GCLC: variants seen among roughly 807,000 people sequenced by gnomAD.
The protein encoded by GCLC is glutamate--cysteine ligase catalytic subunit.
Under a neutral mutation model 81.5 loss-of-function variants are expected in GCLC, and 30 were observed. That is an observed-to-expected ratio of 0.37 (90% confidence interval 0.28 to 0.50). GCLC has a LOEUF of 0.50. Among genes scored for constraint, GCLC ranks in the 20% least tolerant of loss-of-function variants. The pLI, the probability that GCLC is intolerant of heterozygous loss-of-function variation, is 0.96. For synonymous variants in GCLC, 262 were observed against 273.3 expected, an observed-to-expected ratio of 0.96 and a Z score of 0.41; for missense variants, 556 against 777.4, an observed-to-expected ratio of 0.72 and a Z score of 3.39.
rs750874052 is a variant in GCLC, at chr6:53,498,723, C to G, written c.*33G>C. 2 of 1,324,202 alleles carry G rather than the reference C, an allele frequency of 1.5e-6. No homozygotes were observed. The highest frequency in any genetic ancestry group is 2.2e-6 in the Non-Finnish European group (2 of 917,124). The allele number at this position is 1,324,202 out of a possible 1,614,324, so 82.0% of individuals were successfully genotyped here. On this transcript the variant is annotated 3_prime_UTR_variant, in exon 16 of 16. Transcript: ENST00000650454. ...GAGAGGCATGGTACTGTAGCCAGTT[C>G]GTCAATAATGCATTTTTCTTTCTGT...
intron 2 of GCLC, 38 bp downstream of exon 2, chr6:53,522,377 C>A (rs983195531): frequency 9.7e-6 from 11 of 1,136,364 alleles, no homozygotes; most frequent in Admixed American, 1.7e-5. Context: ...GAAGTTTTAG[C>A]AGTTTCAGAA....
chr6:53,538,663 T>C (rs997723576), intron 1 of GCLC, among the ~76,000 whole-genome samples: 3 of 152,178 alleles, frequency 2.0e-5, no homozygotes, highest in African/African-American at 7.2e-5. Context: ...TCAAACTCAA[T>C]GGATGATATA....
chr6:53,523,114 C>G (rs1763026258), intron 1 of GCLC: 1 of 154,352 alleles, frequency 6.5e-6, no homozygotes, highest in African/African-American at 2.4e-5. Context: ...TTTAAGGCAA[C>G]TTCTCCACTC....
chr6:53,537,747 A>AC (rs1324532459), intron 1 of GCLC, among the ~76,000 whole-genome samples: 1 of 151,936 alleles, frequency 6.6e-6, no homozygotes, highest in African/African-American at 2.4e-5. Flanking sequence ...GTAAAAAAAA[A>AC]CCAAAAAACC....
chr6:53,522,777 C>T (rs991440093), intron 1 of GCLC: 7 of 332,876 alleles, frequency 2.1e-5, no homozygotes, highest in Non-Finnish European at 3.4e-5. Flanking sequence ...ATGGAAAGGT[C>T]GATACCCATT....
At chr6:53,533,691 A>C (rs1328091450) in intron 1 of GCLC, among the ~76,000 whole-genome samples, 13 of 152,134 alleles carry the variant, frequency 8.5e-5, no homozygotes, top group African/African-American at 2.4e-5. Context: ...AAAAGAATCT[A>C]TATATATAAA....
intron 1 of GCLC, among the ~76,000 whole-genome samples, chr6:53,525,204 G>A (rs1763059463): frequency 6.6e-6 from 1 of 152,144 alleles, no homozygotes; most frequent in African/African-American, 2.4e-5. Context: ...TGAACTTTCT[G>A]CACTAGTCCT....
intron 1 of GCLC, among the ~76,000 whole-genome samples, chr6:53,542,133 G>A (rs546771338): frequency 1.4e-4 from 21 of 152,094 alleles, no homozygotes; most frequent in African/African-American, 1.4e-4. Context: ...TTGGGATTAC[G>A]GGCCACCACG....
At chr6:53,536,159 G>C (rs1261131624) in intron 1 of GCLC, among the ~76,000 whole-genome samples, 1 of 152,152 alleles carries the variant, frequency 6.6e-6, no homozygotes, top group Non-Finnish European at 1.5e-5. Context: ...TATTTATGTA[G>C]ACTCTAAGAA....
intron 6 of GCLC, among the ~76,000 whole-genome samples, chr6:53,511,005 G>A (rs1764728109): frequency 6.6e-6 from 1 of 152,280 alleles, no homozygotes; most frequent in South Asian, 2.1e-4. Context: ...CTTGGAAATC[G>A]CTTTGCATAT....
At position 53,506,676 on chromosome 6, in the gene GCLC, A is replaced by G. The variant is rs902420309; in HGVS notation, c.1197+237T>C. 4.1e-6 allele frequency: 2 copies of G among 484,050 alleles called. No individual in the cohort carries two copies. The highest frequency in any genetic ancestry group is 7.4e-6 in the Non-Finnish European group (2 of 270,266). The allele number at this position is 484,050 out of a possible 1,614,324, so 30.0% of individuals were successfully genotyped here. A position where few individuals can be genotyped will look rare whatever the true frequency, so the allele number is the denominator to read the frequency against. ...AACAATAAAAAAAAAAATTAGAATCAGTGAGATAAACAGTAAGAATCGTAA... is the reference window on the plus strand; with the variant it reads ...AACAATAAAAAAAAAAATTAGAATCGGTGAGATAAACAGTAAGAATCGTAA... On this transcript the variant is annotated intron_variant, in intron 10 of 15. Coordinates refer to ENST00000650454, the MANE Select transcript of GCLC (RefSeq NM_001498.4). This position sits in a 1 kb window ranked among gnomAD's most constrained non-coding sequence, Gnocchi z 4.0.
At chr6:53,527,051 G>A (rs1310987682) in intron 1 of GCLC, among the ~76,000 whole-genome samples, 1 of 152,114 alleles carries the variant, frequency 6.6e-6, no homozygotes, top group Non-Finnish European at 1.5e-5. Flanking sequence ...CTGAAGAGAA[G>A]AAACCTACAC....
At chr6:53,499,963 A>G in intron 15 of GCLC, 82 bp downstream of exon 15, 1 of 1,023,756 alleles carries the variant, frequency 9.8e-7, no homozygotes, top group Admixed American at 1.8e-5. Flanking sequence ...CATTATTTTA[A>G]AAGACTACTT....
At chr6:53,543,388 T>C (rs1396171541) in intron 1 of GCLC, among the ~76,000 whole-genome samples, 1 of 152,172 alleles carries the variant, frequency 6.6e-6, no homozygotes, top group Non-Finnish European at 1.5e-5. Context: ...TCATCATACT[T>C]TCCTAATTTA....
chr6:53,508,525 G>A, intron 8 of GCLC, 70 bp downstream of exon 8: 1 of 916,186 alleles, frequency 1.1e-6, no homozygotes, highest in Non-Finnish European at 1.8e-6. Flanking sequence ...TCCTGAAATT[G>A]CAAGTAGTTA....
chr6:53,500,961 G>A (rs1764500576), intron 12 of GCLC: 1 of 281,926 alleles, frequency 3.5e-6, no homozygotes, highest in South Asian at 3.7e-5. Flanking sequence ...TGTTGCCCAG[G>A]TTGGAGTGCA....
intron 12 of GCLC, among the ~76,000 whole-genome samples, chr6:53,503,791 A>C (rs1764559591): frequency 6.6e-6 from 1 of 152,208 alleles, no homozygotes; most frequent in Non-Finnish European, 1.5e-5. Context: ...CTTCTAAATT[A>C]TTACACAAAC....
chr6:53,514,126 G>C, intron 6 of GCLC, 78 bp downstream of exon 6: 1 of 1,364,110 alleles, frequency 7.3e-7, no homozygotes, highest in Non-Finnish European at 1.0e-6. Context: ...TTTTGGAACA[G>C]GAAACATGCA....
intron 1 of GCLC, among the ~76,000 whole-genome samples, chr6:53,533,674 T>C (rs760933306): frequency 6.6e-6 from 1 of 151,912 alleles, no homozygotes; most frequent in Non-Finnish European, 1.5e-5. Flanking sequence ...TGTTAAAAAA[T>C]ACAACTAAAA....
Sources: gnomAD v4.1 joint callset for allele counts (sites outside exome capture counted in the v4.1 genomes callset) on GRCh38, gnomAD v4.1.1 for gene constraint, Gnocchi (gnomAD v3.1) non-coding constraint, MANE v1.5 for transcripts, NCBI Gene and HGNC (gene_info 2026-07-23, HGNC 2026-07-21) for gene names.